Variants in ABCA13 observed in about 807,000 individuals in gnomAD.
The protein encoded by ABCA13 is ATP-binding cassette sub-family A member 13.
ABCA13 carries 476 observed loss-of-function variants against 478.7 expected under a neutral mutation model. The observed-to-expected ratio is 0.99, with a 90% CI of 0.92 to 1.07. The LOEUF (loss-of-function observed/expected upper bound fraction) is 1.07. Ranked by LOEUF, ABCA13 falls within the 50% of genes least tolerant of loss-of-function variation. ABCA13 has a pLI of 0.00. For synonymous variants in ABCA13, 2,252 were observed against 2,158.9 expected, an observed-to-expected ratio of 1.04 and a Z score of -1.20; for missense variants, 6,060 against 5,910.6, an observed-to-expected ratio of 1.03 and a Z score of -0.83.
At chr7:48,301,013 A>T (rs1271186591) in intron 23 of ABCA13, among the ~76,000 whole-genome samples, 1 of 152,176 alleles carries the variant, frequency 6.6e-6, no homozygotes. Flanking sequence ...ACCCAAATAG[A>T]TTGAGAGAGC....
chr7:48,553,182 A>G (rs1785486005), intron 55 of ABCA13, among the ~76,000 whole-genome samples: 1 of 152,098 alleles, frequency 6.6e-6, no homozygotes, highest in Non-Finnish European at 1.5e-5. Context: ...CACTGTGTAT[A>G]TGTGCCACAT....
intron 61 of ABCA13, 146 bp downstream of exon 61, chr7:48,644,900 G>T: frequency 1.1e-6 from 1 of 907,680 alleles, no homozygotes. Flanking sequence ...TGATAAGGAT[G>T]GTGAGTGTCA....
At chr7:48,431,075 C>T (rs1822078070) in intron 42 of ABCA13, among the ~76,000 whole-genome samples, 1 of 151,984 alleles carries the variant, frequency 6.6e-6, no homozygotes, top group South Asian at 2.1e-4. Flanking sequence ...TTTTTAACTT[C>T]TCTTTTGATT....
At chr7:48,628,295 C>T (rs771535242) in intron 59 of ABCA13, among the ~76,000 whole-genome samples, 45 of 152,192 alleles carry the variant, frequency 3.0e-4, no homozygotes, top group South Asian at 2.1e-4. Context: ...TACATGTGGC[C>T]GAAGAGTTAT....
intron 31 of ABCA13, among the ~76,000 whole-genome samples, chr7:48,360,556 A>G (rs1425362613): frequency 6.6e-6 from 1 of 151,994 alleles, no homozygotes; most frequent in African/African-American, 2.4e-5. Context: ...TTTTAGTTCT[A>G]TAAACAAGTG....
intron 23 of ABCA13, among the ~76,000 whole-genome samples, chr7:48,309,263 C>G (rs1231390696): frequency 6.6e-6 from 1 of 151,992 alleles, no homozygotes; most frequent in African/African-American, 2.4e-5. Context: ...CCATCAGGAG[C>G]AAAAACATGG....
intron 8 of ABCA13, among the ~76,000 whole-genome samples, chr7:48,236,801 G>T (rs1050223964): frequency 3.3e-5 from 5 of 152,174 alleles, no homozygotes; most frequent in Non-Finnish European, 7.3e-5. Flanking sequence ...TTGGGATTGG[G>T]ACATGGACAT....
chr7:48,439,376 T>C (rs1823276959), intron 42 of ABCA13, among the ~76,000 whole-genome samples: 1 of 152,070 alleles, frequency 6.6e-6, no homozygotes, highest in Non-Finnish European at 1.5e-5. Flanking sequence ...TTTACAAGAA[T>C]CTAATAATCA....
chr7:48,410,619 C>T lies in ABCA13; in HGVS notation c.12170C>T (p.Pro4057Leu), dbSNP rs772862969. The T allele has an allele frequency of 1.2e-6, 2 of 1,614,046 alleles. No homozygotes were observed. The highest frequency in any genetic ancestry group is 1.7e-6 in the Non-Finnish European group (2 of 1,179,896). ...LQHGRLRCCG[P>L]PFCLKEAYGQ... ...CATGGGAGGCTCAGGTGCTGCGGTC[C>T]TCCCTTCTGCCTGAAGGAGGCATAT... Residue 4057 changes from proline (P) to leucine (L), a missense_variant, in exon 40 of 62, where the codon CCT becomes CTT. By Grantham distance (98) the Pro-to-Leu change is moderately conservative. Transcript: ENST00000435803.
rs765818431 is a variant in ABCA13, at chr7:48,376,589, T to C, written c.11335+17T>C. On this transcript the variant is annotated intron_variant, in intron 35 of 61. Coordinates refer to ENST00000435803, the MANE Select transcript of ABCA13 (RefSeq NM_152701.5). ...TGATTCCTGGTAAGAATTTTGCCTT[T>C]TGTAAGATAACACAATAAATTTTAA... 6.2e-7 allele frequency: 1 copy of C among 1,612,558 alleles called. No individual in the cohort carries two copies. The highest frequency in any genetic ancestry group is 8.5e-7 in the Non-Finnish European group (1 of 1,179,264).
Position 48,272,351 on chromosome 7 carries a change from T to C in ABCA13, c.2685T>C (p.Ser895=). ...TGAACATAGATTTTGTACGTTTAAG[T>C]GAGGCTATAATAACTAGTCTCCATG... ...PAMNIDFVRL[S]EAIITSLHEF... The change falls in exon 17 of 62, where the codon AGT becomes AGC. Residue 895 remains serine (S), a synonymous_variant. Transcript: ENST00000435803. 1 of 1,613,786 alleles carries C rather than the reference T, an allele frequency of 6.2e-7. No homozygotes were observed. Among genetic ancestry groups the C allele is most frequent in the Non-Finnish European group, 8.5e-7 (1 of 1,179,752 alleles).
rs1243426016 is a variant in ABCA13 at position 48,503,458 on chromosome 7, C to T, written c.13292-2878C>T. 3.3e-5 allele frequency among the ~76,000 whole-genome samples: 5 copies of T among 152,286 alleles called. No individual in the cohort carries two copies. The East Asian group carries it at 9.7e-4, about 29-fold the overall frequency. On this transcript the variant is annotated intron_variant, in intron 48 of 61. Coordinates refer to ENST00000435803, the MANE Select transcript of ABCA13 (RefSeq NM_152701.5). ...TCTCCCCATTGCCTCTTTCCCCTGG[C>T]CTGAGGTGACAGCCTTCTACTCTCT...
At chr7:48,302,600 C>A (rs1388632337) in intron 23 of ABCA13, among the ~76,000 whole-genome samples, 1 of 152,154 alleles carries the variant, frequency 6.6e-6, no homozygotes, top group East Asian at 1.9e-4. Flanking sequence ...TGCAGTATTT[C>A]ATTTTCTGTT....
chr7:48,556,682 A>G (rs1785861571), intron 55 of ABCA13, among the ~76,000 whole-genome samples: 1 of 151,616 alleles, frequency 6.6e-6, no homozygotes, highest in Non-Finnish European at 1.5e-5. Context: ...CTTTATTTTC[A>G]GTCTATGTGT....
At chr7:48,369,901 T>A (rs1812364676) in intron 32 of ABCA13, among the ~76,000 whole-genome samples, 1 of 151,970 alleles carries the variant, frequency 6.6e-6, no homozygotes, top group East Asian at 1.9e-4. Context: ...ATATGAATTT[T>A]AGGATTTTTT....
intron 27 of ABCA13, among the ~76,000 whole-genome samples, chr7:48,322,480 A>G (rs1803632302): frequency 6.6e-6 from 1 of 152,176 alleles, no homozygotes; most frequent in African/African-American, 2.4e-5. Flanking sequence ...TGGCCTCAGC[A>G]GGTGGCAGAG....
At chr7:48,582,278 T>G (rs1344185401) in intron 56 of ABCA13, among the ~76,000 whole-genome samples, 1 of 152,198 alleles carries the variant, frequency 6.6e-6, no homozygotes, top group Non-Finnish European at 1.5e-5. Context: ...GGCTGTTAGT[T>G]GTATAAGATG....
At chr7:48,442,973 A>C (rs1823830006) in intron 42 of ABCA13, among the ~76,000 whole-genome samples, 1 of 152,216 alleles carries the variant, frequency 6.6e-6, no homozygotes, top group Non-Finnish European at 1.5e-5. Flanking sequence ...GACTATAGCT[A>C]GGACTTTAAA....
chr7:48,549,831 T>G (rs1785148023), intron 55 of ABCA13, among the ~76,000 whole-genome samples: 1 of 151,944 alleles, frequency 6.6e-6, no homozygotes, highest in Non-Finnish European at 1.5e-5. Context: ...TTGAGCTTCT[T>G]TCATGTTTGT....
Sources: allele counts gnomAD v4.1 joint callset (sites outside exome capture counted in the v4.1 genomes callset), GRCh38; gene constraint gnomAD v4.1.1; transcripts MANE v1.5; gene names NCBI Gene and HGNC (gene_info 2026-07-23, HGNC 2026-07-21).